The following NIN variants were observed in gnomAD, a reference collection of about 807,000 sequenced individuals.
The protein encoded by NIN is ninein.
Under a neutral mutation model 257.6 loss-of-function variants are expected in NIN, and 137 were observed. The ratio of observed to expected loss-of-function variants is 0.53; its 90% confidence interval spans 0.46 to 0.61. NIN has a LOEUF of 0.61. Ranked by LOEUF, NIN falls within the 20% of genes least tolerant of loss-of-function variation. The probability of loss-of-function intolerance (pLI) is 0.00; values close to 1 mark genes in which losing one functional copy is unlikely to be tolerated. For missense variants in NIN, 2,439 were observed against 2,501.2 expected (o/e 0.98, Z 0.53); for synonymous variants, 918 against 919.8 (o/e 1.00, Z 0.04).
chr14:50,792,681 T>G (rs1250040124), intron 5 of NIN, 31 bp downstream of exon 5: 1 of 1,613,376 alleles, frequency 6.2e-7, no homozygotes, highest in Non-Finnish European at 8.5e-7. Context: ...ACACTCATGA[T>G]CCAGATGAAC....
chr14:50,815,582 T>C (rs2044854160), intron 3 of NIN, among the ~76,000 whole-genome samples: 1 of 152,176 alleles, frequency 6.6e-6, no homozygotes, highest in Non-Finnish European at 1.5e-5. Flanking sequence ...TATGAAGATA[T>C]ATGCATGCAT....
At chr14:50,762,607 A>T (rs1266630971) in intron 15 of NIN, among the ~76,000 whole-genome samples, 1 of 152,192 alleles carries the variant, frequency 6.6e-6, no homozygotes, top group Non-Finnish European at 1.5e-5. Flanking sequence ...AGAAATTCTT[A>T]ACTCATGCAT....
rs1161232547 is a variant in NIN, at chr14:50,721,685, G to A, written c.*1778C>T. The A allele has an allele frequency of 4.6e-6, 1 of 217,620 alleles. No homozygotes were observed. Among genetic ancestry groups the A allele is most frequent in the African/African-American group, 2.2e-5 (1 of 44,464 alleles). 13.5% of individuals were successfully genotyped at this position (217,620 alleles called of 1,614,324 possible). A position where few individuals can be genotyped will look rare whatever the true frequency, so the allele number is the denominator to read the frequency against. ...TCAAATATTTTGAAGTATAATTATA[G>A]GGAAGGATTAAAATTAACTCTTTAT... On this transcript the variant is annotated 3_prime_UTR_variant, in exon 31 of 31. Coordinates refer to ENST00000530997, the MANE Select transcript of NIN (RefSeq NM_020921.4).
intron 7 of NIN, among the ~76,000 whole-genome samples, chr14:50,773,934 CGAG>C (rs2042826821): frequency 6.6e-6 from 1 of 152,146 alleles, no homozygotes; most frequent in South Asian, 2.1e-4. Flanking sequence ...AGCCACAGAA[CGAG>C]GAGGAAAGGC....
rs1207641621 is a variant in NIN at position 50,757,100 on chromosome 14, A to G, written c.3930T>C (p.Ser1310=). ...CATTTTCTATTTTGACCTCATCGTA[A>G]CTCTTTTCCAGGCTGAGGAATGTTT... ...VTETFLSLEK[S]YDEVKIENEG... The change falls in exon 18 of 31, where the codon AGT becomes AGC. Residue 1310 remains serine, a synonymous_variant. Transcript: ENST00000530997. 2.5e-6 allele frequency: 4 copies of G among 1,612,822 alleles called. No homozygotes were observed. In the African/African-American group the frequency reaches 4.0e-5, roughly 16 times the overall value.
At chr14:50,752,057 T>A (rs959161267) in intron 21 of NIN, among the ~76,000 whole-genome samples, 1 of 152,178 alleles carries the variant, frequency 6.6e-6, no homozygotes, top group African/African-American at 2.4e-5. Flanking sequence ...TAATCAGTGT[T>A]TTCTTTTATT....
At chr14:50,784,287 T>C (rs1232231458) in intron 5 of NIN, among the ~76,000 whole-genome samples, 1 of 152,194 alleles carries the variant, frequency 6.6e-6, no homozygotes, top group African/African-American at 2.4e-5. Flanking sequence ...TGTTATTATT[T>C]CAGTCAGAAA....
chr14:50,764,580 C>A (rs7153562), intron 14 of NIN, among the ~76,000 whole-genome samples: 111,455 of 152,054 alleles, frequency 0.73, 41,815 homozygotes, highest in East Asian at 0.99. Flanking sequence ...CCAAATGTCC[C>A]TTAACCGGTG....
At chr14:50,777,171 A>T (rs751994569) in intron 6 of NIN, 32 bp from the exon 7 acceptor site, 2 of 1,523,428 alleles carry the variant, frequency 1.3e-6, no homozygotes, top group Non-Finnish European at 1.8e-6. Flanking sequence ...CACGGTTTCC[A>T]AAGGAATTGC....
At chr14:50,762,813 G>C (rs1428931288) in intron 15 of NIN, among the ~76,000 whole-genome samples, 2 of 152,154 alleles carry the variant, frequency 1.3e-5, no homozygotes, top group Non-Finnish European at 2.9e-5. Flanking sequence ...TATATGTCTA[G>C]CAGCTGCAAC....
chr14:50,762,512 TATC>T (rs1210584194), intron 15 of NIN, among the ~76,000 whole-genome samples: 1 of 152,214 alleles, frequency 6.6e-6, no homozygotes, highest in African/African-American at 2.4e-5. Context: ...TTTTAGCTAT[TATC>T]AGCATAATTT....
intron 23 of NIN, among the ~76,000 whole-genome samples, chr14:50,743,997 CTGTGA>C (rs2041416306): frequency 6.6e-6 from 1 of 152,298 alleles, no homozygotes; most frequent in African/African-American, 2.4e-5. Context: ...TAAAGTAGCA[CTGTGA>C]TGTGATAAGA....
intron 2 of NIN, among the ~76,000 whole-genome samples, chr14:50,826,256 G>A (rs1202521592): frequency 6.6e-6 from 1 of 152,044 alleles, no homozygotes; most frequent in African/African-American, 2.4e-5. Context: ...AATAAACCTG[G>A]GCCTCTCCTC....
At chr14:50,816,295 A>G (rs565041118) in intron 3 of NIN, among the ~76,000 whole-genome samples, 120 of 152,284 alleles carry the variant, frequency 7.9e-4, no homozygotes, top group African/African-American at 2.6e-3. Context: ...TCTGTGCAGC[A>G]AACCACCATG....
chr14:50,766,169 T>G, intron 14 of NIN, 138 bp downstream of exon 14: 1 of 665,424 alleles, frequency 1.5e-6, no homozygotes, highest in South Asian at 1.8e-5. Context: ...GTACTTTTAT[T>G]TTTACCATTT....
rs537893431 is a variant in NIN, at chr14:50,763,580, T to C, written c.1774+246A>G. Among the ~76,000 whole-genome samples the C allele has an allele frequency of 5.3e-5, 8 of 152,240 alleles. No homozygotes were observed. In the South Asian group the frequency reaches 1.7e-3, roughly 32 times the overall value. ...TGTTTTGTTAACAAAGCAAATACCC[T>C]TGTGGTTTGATTCTTCCATTCCTTT... is the stretch of plus-strand genomic sequence containing the variant. On this transcript the variant is annotated intron_variant, in intron 15 of 30. Coordinates refer to ENST00000530997, the MANE Select transcript of NIN (RefSeq NM_020921.4).
chr14:50,783,671 T>C (rs1390934451), intron 5 of NIN, among the ~76,000 whole-genome samples: 1 of 152,110 alleles, frequency 6.6e-6, no homozygotes, highest in Non-Finnish European at 1.5e-5. Context: ...GGGGGAAGAT[T>C]CAATTCATTC....
intron 27 of NIN, among the ~76,000 whole-genome samples, chr14:50,736,107 A>ATAAC (rs1339478535): frequency 1.3e-5 from 2 of 152,134 alleles, no homozygotes; most frequent in Admixed American, 1.3e-4. Flanking sequence ...CCTGATTTAT[A>ATAAC]TAACTTTTTA....
chr14:50,767,785 C>G (rs1344625804), intron 12 of NIN, among the ~76,000 whole-genome samples: 1 of 150,232 alleles, frequency 6.7e-6, no homozygotes, highest in Non-Finnish European at 1.5e-5. Context: ...CCACTGCACT[C>G]CAGCCTGGGC....
Sources: allele counts gnomAD v4.1 joint callset (sites outside exome capture counted in the v4.1 genomes callset), GRCh38; gene constraint gnomAD v4.1.1; transcripts MANE v1.5; gene names NCBI Gene and HGNC (gene_info 2026-07-23, HGNC 2026-07-21).